The following ABCA1 variants were observed in gnomAD, a reference collection of about 807,000 sequenced individuals.
ABCA1 encodes the protein ATP binding cassette subfamily A member 1, also known as phospholipid-transporting ATPase ABCA1.
ABCA1 carries 133 observed loss-of-function variants against 262.5 expected under a neutral mutation model. The ratio of observed to expected loss-of-function variants is 0.51; its 90% confidence interval spans 0.44 to 0.59. The LOEUF is 0.59. Among genes scored for constraint, ABCA1 ranks in the 20% least tolerant of loss-of-function variants. ABCA1 has a pLI of 0.00. For synonymous variants in ABCA1, 1,022 were observed against 1,043.5 expected, an observed-to-expected ratio of 0.98 and a Z score of 0.40; for missense variants, 2,452 against 2,777.5, an observed-to-expected ratio of 0.88 and a Z score of 2.63.
chr9:104,798,213 T>A (rs1830060938), intron 37 of ABCA1, among the ~76,000 whole-genome samples: 2 of 152,214 alleles, frequency 1.3e-5, no homozygotes, highest in Admixed American at 1.3e-4. Context: ...GTGTACAGAA[T>A]TTTCCCTCTG....
rs116184208 is a variant in ABCA1 at position 104,786,605 on chromosome 9, A to C, written c.6309-215T>G. ...TCTACAAAAGGGGGAATAGTTAAATAAGAGTATATCCTAATGGAATACTAT... is the reference window on the plus strand; with the variant it reads ...TCTACAAAAGGGGGAATAGTTAAATCAGAGTATATCCTAATGGAATACTAT... On this transcript the variant is annotated intron_variant, in intron 47 of 49. Coordinates refer to ENST00000374736, the MANE Select transcript of ABCA1 (RefSeq NM_005502.4). Among the ~76,000 whole-genome samples, 1,276 of 152,372 alleles carry C rather than the reference A, an allele frequency of 8.4e-3. 22 individuals carry two copies. Among genetic ancestry groups the C allele is most frequent in the African/African-American group, 0.028 (1,149 of 41,592 alleles).
chr9:104,911,198 T>C (rs1232825648), intron 1 of ABCA1, among the ~76,000 whole-genome samples: 1 of 152,198 alleles, frequency 6.6e-6, no homozygotes, highest in Non-Finnish European at 1.5e-5. Flanking sequence ...GTGCCAAAGC[T>C]CTGATTGCCT....
At chr9:104,888,058 G>GGTGGGTGT (rs113871884) in intron 3 of ABCA1, among the ~76,000 whole-genome samples, 1 of 140,304 alleles carries the variant, frequency 7.1e-6, no homozygotes, top group African/African-American at 3.0e-5. Context: ...TTTCTTGAGG[G>GGTGGGTGT]GTGTGTGTGT....
At chr9:104,850,160 C>T (rs1480957503) in intron 7 of ABCA1, among the ~76,000 whole-genome samples, 1 of 152,168 alleles carries the variant, frequency 6.6e-6, no homozygotes, top group African/African-American at 2.4e-5. Context: ...CTCACTCTGT[C>T]ACCCAGGCTA....
chr9:104,881,866 A>T (rs112521219), intron 5 of ABCA1, among the ~76,000 whole-genome samples: 1 of 151,908 alleles, frequency 6.6e-6, no homozygotes, highest in Non-Finnish European at 1.5e-5. Flanking sequence ...CACAGCCAGG[A>T]GTTGTCTAAG....
intron 42 of ABCA1, among the ~76,000 whole-genome samples, chr9:104,792,426 A>G (rs943241200): frequency 6.6e-6 from 1 of 152,240 alleles, no homozygotes; most frequent in Non-Finnish European, 1.5e-5. Context: ...CCTCTTGAAC[A>G]CAGGCAATAT....
Position 104,814,367 on chromosome 9 carries a change from A to G in ABCA1, c.3787+60T>C, listed in dbSNP as rs41410048. On this transcript the variant is annotated intron_variant, in intron 26 of 49. Coordinates refer to ENST00000374736, the MANE Select transcript of ABCA1 (RefSeq NM_005502.4). ...AAAGGGAAAGGAACAATACTCGTGC[A>G]CTGAGAAAGCCAGCAGAAGGCACTA... The G allele has an allele frequency of 2.0e-3, 3,215 of 1,588,024 alleles. 65 individuals are homozygous for G. In the African/African-American group the frequency reaches 0.035, roughly 18 times the overall value.
At chr9:104,821,280 A>T in intron 20 of ABCA1, 95 bp downstream of exon 20, 1 of 1,526,046 alleles carries the variant, frequency 6.6e-7, no homozygotes, top group Non-Finnish European at 8.9e-7. Context: ...ACAAAAACAC[A>T]GCAAAGTAAA....
intron 2 of ABCA1, among the ~76,000 whole-genome samples, chr9:104,901,459 C>T (rs951255239): frequency 2.0e-5 from 3 of 152,146 alleles, no homozygotes; most frequent in African/African-American, 7.2e-5. Flanking sequence ...CTAATGGACA[C>T]ACAACATGGA....
At chr9:104,858,311 C>T (rs888503224) in intron 7 of ABCA1, among the ~76,000 whole-genome samples, 12 of 152,178 alleles carry the variant, frequency 7.9e-5, no homozygotes, top group Non-Finnish European at 1.0e-4. Context: ...CTCAGCCACA[C>T]CCAGCTTATT....
At chr9:104,845,670 T>C (rs1405764408) in intron 7 of ABCA1, 101 bp from the exon 8 acceptor site, 1 of 850,900 alleles carries the variant, frequency 1.2e-6, no homozygotes, top group Non-Finnish European at 1.9e-6. Flanking sequence ...ATCTTGAGTT[T>C]AACAAACAAG....
At position 104,784,187 on chromosome 9, in the gene ABCA1, A is replaced by G. The variant is rs1828708342; in HGVS notation, c.*128T>C. On this transcript the variant is annotated 3_prime_UTR_variant, in exon 50 of 50. Coordinates refer to ENST00000374736, the MANE Select transcript of ABCA1 (RefSeq NM_005502.4). The stretch of plus-strand genomic sequence containing the variant: ...ATTGAATTGCATTGCATTGAATAGT[A>G]TCAGTACAGTATCCAGTTTACTTCT... 4 of 1,197,412 alleles carry G rather than the reference A, an allele frequency of 3.3e-6. No homozygotes were observed. In the South Asian group the frequency reaches 5.2e-5, roughly 15 times the overall value. The allele number at this position is 1,197,412 out of a possible 1,614,324, so 74.2% of individuals were successfully genotyped here.
intron 46 of ABCA1, 188 bp downstream of exon 46, chr9:104,787,732 G>T (rs1829051360): frequency 1.6e-6 from 1 of 642,150 alleles, no homozygotes. Flanking sequence ...GGGAGCATCT[G>T]CAGGCATGGT....
At chr9:104,926,449 CAAA>C (rs33976424) in intron 1 of ABCA1, among the ~76,000 whole-genome samples, 1 of 132,670 alleles carries the variant, frequency 7.5e-6, no homozygotes, top group African/African-American at 2.8e-5. Flanking sequence ...AACACGCTAA[CAAA>C]AAAAAAAACC....
chr9:104,792,490 TA>T (rs1399585191), intron 42 of ABCA1, among the ~76,000 whole-genome samples: 1 of 152,212 alleles, frequency 6.6e-6, no homozygotes, highest in African/African-American at 2.4e-5. Flanking sequence ...TTATTCTCTC[TA>T]CCTCAGTTTT....
At chr9:104,887,478 A>G (rs933378336) in intron 3 of ABCA1, among the ~76,000 whole-genome samples, 2 of 152,182 alleles carry the variant, frequency 1.3e-5, no homozygotes, top group African/African-American at 4.8e-5. Flanking sequence ...TCTGATGCCG[A>G]AGACATTTGC....
At chr9:104,823,150 C>T (rs556297235) in intron 18 of ABCA1, among the ~76,000 whole-genome samples, 12 of 151,390 alleles carry the variant, frequency 7.9e-5, no homozygotes, top group South Asian at 2.1e-4. Flanking sequence ...ACTGTAAAAA[C>T]GAGGAACGCA....
At chr9:104,860,159 T>C (rs1329616483) in intron 6 of ABCA1, among the ~76,000 whole-genome samples, 1 of 151,962 alleles carries the variant, frequency 6.6e-6, no homozygotes, top group Non-Finnish European at 1.5e-5. Context: ...CTTACACAAG[T>C]ATTGATCCCA....
At position 104,840,061 on chromosome 9, in the gene ABCA1, T is replaced by G. The variant is rs55874167; in HGVS notation, c.1054+218A>C. Among the ~76,000 whole-genome samples, 12,868 of 152,284 alleles carry G rather than the reference T, an allele frequency of 0.085. 591 individuals carry two copies. The highest frequency in any genetic ancestry group is 0.1 in the Non-Finnish European group (6,887 of 68,018). On this transcript the variant is annotated intron_variant, in intron 9 of 49. Coordinates refer to ENST00000374736, the MANE Select transcript of ABCA1 (RefSeq NM_005502.4). The stretch of plus-strand genomic sequence containing the variant: ...AATCATTCATTCCATTGATAAACAC[T>G]ACTGTGCACCTGAGATGTGCCAGGC...
Sources: gnomAD v4.1 joint callset for allele counts (sites outside exome capture counted in the v4.1 genomes callset) on GRCh38, gnomAD v4.1.1 for gene constraint, MANE v1.5 for transcripts, NCBI Gene and HGNC (gene_info 2026-07-23, HGNC 2026-07-21) for gene names.